Variants in RBPMS2 observed in about 807,000 individuals in gnomAD.
The protein encoded by RBPMS2 is RNA binding protein, mRNA processing factor 2.
RBPMS2 carries 14 observed loss-of-function variants against 25.7 expected under a neutral mutation model. The ratio of observed to expected loss-of-function variants is 0.55; its 90% CI spans 0.36 to 0.85. The LOEUF (loss-of-function observed/expected upper bound fraction) is 0.85. Among genes scored for constraint, RBPMS2 ranks in the 40% least tolerant of loss-of-function variants. RBPMS2 has a pLI of 0.01. For missense variants in RBPMS2, 252 were observed against 283.4 expected (o/e 0.89, Z 0.80); for synonymous variants, 127 against 115.6 (o/e 1.10, Z -0.63).
At chr15:64,761,843 G>A (rs2141071625) in intron 1 of RBPMS2, among the ~76,000 whole-genome samples, 1 of 151,874 alleles carries the variant, frequency 6.6e-6, no homozygotes, top group South Asian at 2.1e-4. Flanking sequence ...CAAATAGCTG[G>A]GATTATAGGC....
At chr15:64,747,531 G>C (rs1020576378) in intron 6 of RBPMS2, among the ~76,000 whole-genome samples, 1 of 152,134 alleles carries the variant, frequency 6.6e-6, no homozygotes, top group African/African-American at 2.4e-5. Flanking sequence ...AAAGGTTGAG[G>C]TGGGCTCAAA....
intron 2 of RBPMS2, among the ~76,000 whole-genome samples, chr15:64,750,688 AACTGAAAAGGCTAC>A (rs2083669256): frequency 6.6e-6 from 1 of 152,242 alleles, no homozygotes; most frequent in South Asian, 2.1e-4. Context: ...CTCATCTGCA[AACTGAAAAGGCTAC>A]ACTGAATCTC....
intron 6 of RBPMS2, among the ~76,000 whole-genome samples, chr15:64,742,097 G>A (rs560559403): frequency 5.9e-5 from 9 of 152,246 alleles, no homozygotes; most frequent in South Asian, 4.2e-4. Flanking sequence ...CCCGGGAGGC[G>A]GAGGTTGCAG....
At chr15:64,759,188 G>A (rs1173321448) in intron 1 of RBPMS2, among the ~76,000 whole-genome samples, 2 of 152,126 alleles carry the variant, frequency 1.3e-5, no homozygotes, top group Non-Finnish European at 2.9e-5. Flanking sequence ...CTGGGGAAGG[G>A]GAGCACAGCA....
At chr15:64,752,934 GCCC>G (rs1303073247) in intron 1 of RBPMS2, among the ~76,000 whole-genome samples, 1 of 151,922 alleles carries the variant, frequency 6.6e-6, no homozygotes, top group Non-Finnish European at 1.5e-5. Flanking sequence ...TTTGAGCATT[GCCC>G]CCAACATGGT....
chr15:64,764,437 C>T lies in RBPMS2; in HGVS notation c.87+10796G>A, dbSNP rs543285066. 3.0e-4 allele frequency among the ~76,000 whole-genome samples: 46 copies of T among 152,280 alleles called. 1 individual carries two copies. The highest frequency in any genetic ancestry group is 1.1e-3 in the African/African-American group (46 of 41,564). On this transcript the variant is annotated intron_variant, in intron 1 of 7. Transcript: ENST00000300069. ...CCACCACACCTAGCCCATTACTTGA[C>T]GGAGGCGAATGAAACCTGACAGGAG... is the stretch of plus-strand genomic sequence containing the variant.
chr15:64,763,204 C>T (rs1352064540), intron 1 of RBPMS2, among the ~76,000 whole-genome samples: 2 of 152,030 alleles, frequency 1.3e-5, no homozygotes, highest in African/African-American at 4.8e-5. Flanking sequence ...TGGAATGTGG[C>T]GACATGGCCT....
chr15:64,751,594 G>A lies in RBPMS2; in HGVS notation c.132C>T (p.Pro44=). 6.2e-7 allele frequency: 1 copy of A among 1,614,046 alleles called. No individual in the cohort carries two copies. The highest frequency in any genetic ancestry group is 1.6e-4 in the Middle Eastern group (1 of 6,062). ...GCCGGAAGAGCAAGTAGAGTTCTCT[G>A]GGTTTAATGTCCACAGGGAGGCCGC... ...FVSGLPVDIK[P]RELYLLFRPF... Residue 44 remains proline, a synonymous_variant, in exon 2 of 8, where the codon CCC becomes CCT. Transcript: ENST00000300069.
At chr15:64,772,904 T>C (rs1448881697) in intron 1 of RBPMS2, among the ~76,000 whole-genome samples, 2 of 152,120 alleles carry the variant, frequency 1.3e-5, no homozygotes, top group African/African-American at 4.8e-5. Context: ...ATGACATGGA[T>C]AAAGCCTATA....
At chr15:64,763,105 C>T (rs555691453) in intron 1 of RBPMS2, among the ~76,000 whole-genome samples, 1 of 152,056 alleles carries the variant, frequency 6.6e-6, no homozygotes, top group Non-Finnish European at 1.5e-5. Flanking sequence ...TGCCTGGGCC[C>T]CGCGCTTAGG....
At chr15:64,770,435 T>C (rs1035620870) in intron 1 of RBPMS2, among the ~76,000 whole-genome samples, 17 of 152,340 alleles carry the variant, frequency 1.1e-4, no homozygotes, top group African/African-American at 4.1e-4. Flanking sequence ...AGAGTTAAAA[T>C]GGTGCAGAAC....
At chr15:64,761,011 T>G (rs1210646967) in intron 1 of RBPMS2, 1 of 145,986 alleles carries the variant, frequency 6.8e-6, no homozygotes, top group Non-Finnish European at 1.5e-5. Context: ...AAAATCTCAC[T>G]GCAGGCAATA....
chr15:64,757,067 G>C (rs1475802143), intron 1 of RBPMS2, among the ~76,000 whole-genome samples: 1 of 149,142 alleles, frequency 6.7e-6, no homozygotes, highest in Non-Finnish European at 1.5e-5. Context: ...CAAACTCTTA[G>C]GCTCAAGAGA....
At chr15:64,766,818 T>A (rs1433000920) in intron 1 of RBPMS2, among the ~76,000 whole-genome samples, 1 of 152,044 alleles carries the variant, frequency 6.6e-6, no homozygotes, top group East Asian at 1.9e-4. Context: ...CCTGAGCCAC[T>A]GTGCCTGGCC....
chr15:64,765,467 T>C (rs1399828044), intron 1 of RBPMS2, among the ~76,000 whole-genome samples: 1 of 149,492 alleles, frequency 6.7e-6, no homozygotes, highest in Non-Finnish European at 1.5e-5. Context: ...TGGTCTCAGC[T>C]ACTCAGGAGG....
intron 1 of RBPMS2, among the ~76,000 whole-genome samples, chr15:64,752,875 G>C (rs1405171070): frequency 1.3e-5 from 2 of 152,144 alleles, no homozygotes; most frequent in Non-Finnish European, 2.9e-5. Flanking sequence ...GCCTCCCAAA[G>C]TGCTGAGATG....
intron 6 of RBPMS2, among the ~76,000 whole-genome samples, chr15:64,745,014 G>C (rs917704598): frequency 2.6e-5 from 4 of 151,738 alleles, no homozygotes; most frequent in African/African-American, 9.7e-5. Context: ...GGGTTTCACC[G>C]TGTTAGCCAG....
chr15:64,767,100 T>C (rs1312119426), intron 1 of RBPMS2, among the ~76,000 whole-genome samples: 12 of 152,078 alleles, frequency 7.9e-5, no homozygotes, highest in South Asian at 2.1e-4. Flanking sequence ...TACTTTTTTT[T>C]TCTCTCTTTT....
At chr15:64,766,901 G>A (rs1265868232) in intron 1 of RBPMS2, among the ~76,000 whole-genome samples, 7 of 151,432 alleles carry the variant, frequency 4.6e-5, no homozygotes, top group East Asian at 1.9e-4. Context: ...CTCCTGCCTC[G>A]GCCTCCTGAG....
Sources: allele counts gnomAD v4.1 joint callset (sites outside exome capture counted in the v4.1 genomes callset), GRCh38; gene constraint gnomAD v4.1.1; transcripts MANE v1.5; gene names NCBI Gene and HGNC (gene_info 2026-07-23, HGNC 2026-07-21).